Variants in AHI1 observed in about 807,000 individuals in gnomAD.
AHI1 encodes Abelson helper integration site 1.
AHI1 carries 123 observed loss-of-function variants against 149.3 expected under a neutral mutation model. That is an observed-to-expected ratio of 0.82 (90% CI 0.71 to 0.96). AHI1 has a LOEUF of 0.96. Ranked by LOEUF, AHI1 falls within the 40% of genes least tolerant of loss-of-function variation. The probability of loss-of-function intolerance (pLI) is 0.00; values close to 1 mark genes in which losing one functional copy is unlikely to be tolerated. For missense variants in AHI1, 1,439 were observed against 1,422.7 expected, an observed-to-expected ratio of 1.01 and a Z score of -0.18; for synonymous variants, 475 against 459.8, an observed-to-expected ratio of 1.03 and a Z score of -0.42.
At chr6:135,368,469 C>A (rs573566258) in intron 23 of AHI1, among the ~76,000 whole-genome samples, 1 of 152,214 alleles carries the variant, frequency 6.6e-6, no homozygotes, top group African/African-American at 2.4e-5. Flanking sequence ...TATCCTTTGT[C>A]TTAAGGTACC....
Position 135,438,883 on chromosome 6 carries a change from A to C in AHI1, c.1913-385T>G, listed in dbSNP as rs116461731. Among the ~76,000 whole-genome samples the C allele has an allele frequency of 9.6e-3, 1,464 of 152,308 alleles. 36 individuals are homozygous for C. Among genetic ancestry groups the C allele is most frequent in the African/African-American group, 0.033 (1,392 of 41,564 alleles). On this transcript the variant is annotated intron_variant, in intron 14 of 28. Transcript: ENST00000265602. ...AAAATCAACTAAATGCCAACCAAAA[A>C]TTTAATTATTTGAAGTAAGGAGAAA...
intron 24 of AHI1, among the ~76,000 whole-genome samples, chr6:135,335,533 A>G (rs920860680): frequency 1.3e-4 from 20 of 151,724 alleles, no homozygotes; most frequent in Non-Finnish European, 2.8e-4. Context: ...AAAAAAGGGT[A>G]CCTCTAACAT....
At chr6:135,296,848 T>C (rs2128346350) in intron 27 of AHI1, among the ~76,000 whole-genome samples, 1 of 152,384 alleles carries the variant, frequency 6.6e-6, no homozygotes, top group African/African-American at 2.4e-5. Flanking sequence ...ACACTGTGTG[T>C]GACACTGTAG....
intron 12 of AHI1, among the ~76,000 whole-genome samples, 176 bp from the exon 13 acceptor site, chr6:135,447,336 A>C (rs954997198): frequency 5.9e-5 from 9 of 152,174 alleles, no homozygotes; most frequent in Non-Finnish European, 1.2e-4. Flanking sequence ...AAGCTGCTTA[A>C]AACTACAGTC....
chr6:135,444,678 C>A (rs368897693), intron 13 of AHI1, among the ~76,000 whole-genome samples: 3 of 152,114 alleles, frequency 2.0e-5, no homozygotes, highest in African/African-American at 4.8e-5. Context: ...TTTTTGGAGG[C>A]TATTTGGAGT....
intron 23 of AHI1, among the ~76,000 whole-genome samples, chr6:135,386,189 G>A (rs934538145): frequency 6.6e-5 from 10 of 151,132 alleles, no homozygotes; most frequent in Admixed American, 1.3e-4. Context: ...CTAATCTGAA[G>A]TTCATTCCTC....
intron 27 of AHI1, among the ~76,000 whole-genome samples, chr6:135,298,806 A>G (rs1267678740): frequency 6.6e-6 from 1 of 152,206 alleles, no homozygotes; most frequent in Non-Finnish European, 1.5e-5. Flanking sequence ...TTTAATCTGG[A>G]GGGCATGACA....
At chr6:135,472,802 G>C (rs980195492) in intron 5 of AHI1, among the ~76,000 whole-genome samples, 3 of 151,026 alleles carry the variant, frequency 2.0e-5, no homozygotes, top group Non-Finnish European at 4.4e-5. Context: ...CTTTCGTTAA[G>C]TGTCCAAATC....
chr6:135,392,753 T>C (rs1213578647), intron 23 of AHI1, among the ~76,000 whole-genome samples: 1 of 152,192 alleles, frequency 6.6e-6, no homozygotes. Flanking sequence ...AAACTCACCA[T>C]AGCCAGAGCC....
intron 15 of AHI1, among the ~76,000 whole-genome samples, chr6:135,437,688 T>C (rs1785617041): frequency 6.6e-6 from 1 of 152,184 alleles, no homozygotes; most frequent in African/African-American, 2.4e-5. Flanking sequence ...AGTTTCGTAG[T>C]GTGTGGAGAG....
chr6:135,359,263 C>T (rs1287885906), intron 23 of AHI1, among the ~76,000 whole-genome samples: 3 of 152,150 alleles, frequency 2.0e-5, no homozygotes, highest in Non-Finnish European at 4.4e-5. Context: ...CACTATACTA[C>T]CTTCATTCAA....
chr6:135,317,732 G>C (rs1562488982), intron 26 of AHI1, among the ~76,000 whole-genome samples: 1 of 152,082 alleles, frequency 6.6e-6, no homozygotes, highest in African/African-American at 2.4e-5. Context: ...AATAAAACAT[G>C]CTGACTGACT....
At chr6:135,487,676 A>G (rs963363613) in intron 5 of AHI1, among the ~76,000 whole-genome samples, 4 of 152,172 alleles carry the variant, frequency 2.6e-5, no homozygotes, top group African/African-American at 9.7e-5. Flanking sequence ...TATGTTGGGA[A>G]CATAAATCTT....
At chr6:135,467,742 T>C in intron 5 of AHI1, 108 bp from the exon 6 acceptor site, 1 of 702,930 alleles carries the variant, frequency 1.4e-6, no homozygotes, top group Non-Finnish European at 2.2e-6. Flanking sequence ...AATTATTTAG[T>C]TTTTTTACCT....
At chr6:135,448,852 ATTTG>A (rs1787652829) in intron 11 of AHI1, among the ~76,000 whole-genome samples, 1 of 152,222 alleles carries the variant, frequency 6.6e-6, no homozygotes, top group Admixed American at 6.5e-5. Context: ...CAAATCTTCC[ATTTG>A]TTTAATATCA....
intron 11 of AHI1, among the ~76,000 whole-genome samples, chr6:135,449,059 T>C (rs941904182): frequency 1.3e-5 from 2 of 152,136 alleles, no homozygotes; most frequent in African/African-American, 4.8e-5. Context: ...TTTTTGTCTC[T>C]TTTTTTGGGC....
At chr6:135,426,890 TAACTC>T (rs1434682356) in intron 20 of AHI1, among the ~76,000 whole-genome samples, 2 of 151,754 alleles carry the variant, frequency 1.3e-5, no homozygotes, top group Non-Finnish European at 3.0e-5. Context: ...GATAAAATAT[TAACTC>T]AACAGTCAAC....
intron 22 of AHI1, among the ~76,000 whole-genome samples, chr6:135,402,503 G>A (rs1308225535): frequency 1.3e-5 from 2 of 152,078 alleles, no homozygotes; most frequent in African/African-American, 4.8e-5. Flanking sequence ...TAGTGCAGTT[G>A]ACCCTTGAAC....
intron 5 of AHI1, among the ~76,000 whole-genome samples, chr6:135,478,298 T>C (rs771233925): frequency 5.9e-5 from 9 of 152,200 alleles, no homozygotes; most frequent in Admixed American, 6.5e-5. Flanking sequence ...TGAATGGTTA[T>C]GACCAAAATG....
Sources: gnomAD v4.1 joint callset for allele counts (sites outside exome capture counted in the v4.1 genomes callset) on GRCh38, gnomAD v4.1.1 for gene constraint, MANE v1.5 for transcripts, NCBI Gene and HGNC (gene_info 2026-07-23, HGNC 2026-07-21) for gene names.